Variants in VPS13B observed in about 807,000 individuals in gnomAD.
The protein encoded by VPS13B is vacuolar protein sorting 13 homolog B.
In VPS13B, 285 loss-of-function variants were observed where a neutral mutation model predicts 426.4. The ratio of observed to expected loss-of-function variants is 0.67; its 90% CI spans 0.61 to 0.74. The LOEUF is 0.74. VPS13B is among the 30% of genes least tolerant of loss of function. VPS13B has a pLI of 0.00. For synonymous variants in VPS13B, 1,676 were observed against 1,676.4 expected (o/e 1.00, Z 0.01); for missense variants, 4,537 against 4,782.6 (o/e 0.95, Z 1.51).
At position 99,608,880 on chromosome 8, in the gene VPS13B, G is replaced by A. The variant is rs115632282; in HGVS notation, c.5220+31247G>A. Reference sequence around the variant, plus strand: ...TATTGTATAGATATATACCATAGGTGTTTTTTAAAAATATATATATATTTA... The same window carrying A: ...TATTGTATAGATATATACCATAGGTATTTTTTAAAAATATATATATATTTA... On this transcript the variant is annotated intron_variant, in intron 33 of 61. Coordinates refer to ENST00000357162, the MANE Select transcript of VPS13B (RefSeq NM_152564.5). Among the ~76,000 whole-genome samples, 1,429 of 151,990 alleles carry A rather than the reference G, an allele frequency of 9.4e-3. 32 individuals carry two copies. The highest frequency in any genetic ancestry group is 0.033 in the African/African-American group (1,368 of 41,452).
At chr8:99,359,390 A>G (rs1004690775) in intron 19 of VPS13B, among the ~76,000 whole-genome samples, 1 of 152,168 alleles carries the variant, frequency 6.6e-6, no homozygotes, top group African/African-American at 2.4e-5. Flanking sequence ...ATGTGTCATT[A>G]TATTCTGGAT....
chr8:99,640,043 G>A lies in VPS13B; in HGVS notation c.5221-1768G>A, dbSNP rs1419516625. Among the ~76,000 whole-genome samples the A allele has an allele frequency of 1.1e-3, 87 of 82,186 alleles. 2 individuals are homozygous for A. Among genetic ancestry groups the A allele is most frequent in the South Asian group, 7.3e-3 (17 of 2,316 alleles). The allele number at this position is 82,186 out of a possible 152,430, so 53.9% of individuals were successfully genotyped here. A position where few individuals can be genotyped will look rare whatever the true frequency, so the allele number is the denominator to read the frequency against. On this transcript the variant is annotated intron_variant, in intron 33 of 61. Coordinates refer to ENST00000357162, the MANE Select transcript of VPS13B (RefSeq NM_152564.5). ...ATAATAATAAGAAGAAGAAGAAGAA[G>A]AAGAAGAGAAAAGAAAAGAAAAGAA...
chr8:99,387,850 A>C (rs1213646400), intron 20 of VPS13B, among the ~76,000 whole-genome samples: 2 of 152,194 alleles, frequency 1.3e-5, no homozygotes, highest in Non-Finnish European at 2.9e-5. Flanking sequence ...GTATCTAATA[A>C]AATTGAAAAT....
rs1824771606 is a variant in VPS13B at position 99,559,414 on chromosome 8, G to A, written c.4949+2761G>A. 1.3e-5 allele frequency among the ~76,000 whole-genome samples: 2 copies of A among 152,138 alleles called. 1 individual carries two copies. Among genetic ancestry groups the A allele is most frequent in the Admixed American group, 1.3e-4 (2 of 15,284 alleles). Reference sequence around the variant, plus strand: ...GTGCAGAAGCTCTTTAGTTTAATTAGATCCCATTTGTCTATTTTCGCTTTT... The same window carrying A: ...GTGCAGAAGCTCTTTAGTTTAATTAAATCCCATTTGTCTATTTTCGCTTTT... On this transcript the variant is annotated intron_variant, in intron 31 of 61. Coordinates refer to ENST00000357162, the MANE Select transcript of VPS13B (RefSeq NM_152564.5).
chr8:99,156,891 T>C, intron 15 of VPS13B, 148 bp downstream of exon 15: 1 of 632,624 alleles, frequency 1.6e-6, no homozygotes, highest in Admixed American at 3.6e-5. Context: ...TTTATTCCAA[T>C]AAATTAAAGT....
At chr8:99,627,673 C>T (rs1021586394) in intron 33 of VPS13B, among the ~76,000 whole-genome samples, 2 of 152,120 alleles carry the variant, frequency 1.3e-5, no homozygotes, top group South Asian at 2.1e-4. Flanking sequence ...TGTGAGCCAC[C>T]ATGCCTGACC....
chr8:99,664,269 T>C (rs940319177), intron 35 of VPS13B, among the ~76,000 whole-genome samples: 3 of 151,976 alleles, frequency 2.0e-5, no homozygotes, highest in African/African-American at 4.8e-5. Flanking sequence ...CCTCCCAAAG[T>C]GCTGGGATTA....
intron 30 of VPS13B, among the ~76,000 whole-genome samples, chr8:99,547,288 A>T (rs984835334): frequency 6.6e-6 from 1 of 151,844 alleles, no homozygotes; most frequent in African/African-American, 2.4e-5. Flanking sequence ...TGGTGATGGA[A>T]CTCAGCATTT....
intron 30 of VPS13B, chr8:99,536,884 T>A (rs1303940715): frequency 4.3e-5 from 20 of 466,018 alleles, no homozygotes; most frequent in Middle Eastern, 3.9e-4. Context: ...TTCCAAAAAC[T>A]AGGGAAAAAA....
intron 19 of VPS13B, among the ~76,000 whole-genome samples, chr8:99,337,968 A>G (rs944888691): frequency 6.6e-6 from 1 of 152,022 alleles, no homozygotes; most frequent in Non-Finnish European, 1.5e-5. Flanking sequence ...GACTTTCCCC[A>G]TTCAGTGCCC....
chr8:99,768,192 C>T (rs1301319637), intron 40 of VPS13B, among the ~76,000 whole-genome samples: 1 of 152,162 alleles, frequency 6.6e-6, no homozygotes, highest in Non-Finnish European at 1.5e-5. Flanking sequence ...TGTGGATGCC[C>T]TACGTGCCAC....
intron 54 of VPS13B, among the ~76,000 whole-genome samples, chr8:99,844,869 A>G (rs1815898079): frequency 6.6e-6 from 1 of 152,098 alleles, no homozygotes; most frequent in Non-Finnish European, 1.5e-5. Flanking sequence ...TTTATTTGCA[A>G]CCTGGCCAAT....
At chr8:99,625,883 A>G (rs183689399) in intron 33 of VPS13B, among the ~76,000 whole-genome samples, 4 of 152,310 alleles carry the variant, frequency 2.6e-5, no homozygotes, top group Admixed American at 2.6e-4. Context: ...AAACCCAGCA[A>G]CATTGACAAC....
chr8:99,677,120 AAAG>A (rs1830970561), intron 35 of VPS13B, among the ~76,000 whole-genome samples: 1 of 152,196 alleles, frequency 6.6e-6, no homozygotes, highest in African/African-American at 2.4e-5. Flanking sequence ...CCATCTCAAA[AAAG>A]AAAAAAAGAA....
chr8:99,433,653 G>T (rs1457395817), intron 22 of VPS13B, among the ~76,000 whole-genome samples: 1 of 151,940 alleles, frequency 6.6e-6, no homozygotes, highest in East Asian at 1.9e-4. Flanking sequence ...CAGAATCTTG[G>T]TTTTTCAGAA....
chr8:99,556,144 C>T (rs1824549179), intron 30 of VPS13B, among the ~76,000 whole-genome samples: 1 of 152,066 alleles, frequency 6.6e-6, no homozygotes, highest in Non-Finnish European at 1.5e-5. Context: ...AAAATAGAAC[C>T]TCAGAGCATC....
At chr8:99,622,765 T>A (rs1433410734) in intron 33 of VPS13B, among the ~76,000 whole-genome samples, 1 of 152,194 alleles carries the variant, frequency 6.6e-6, no homozygotes, top group Non-Finnish European at 1.5e-5. Context: ...TTCCAGTTGC[T>A]AAGGCCAAAT....
intron 46 of VPS13B, 85 bp downstream of exon 46, chr8:99,818,619 G>A: frequency 3.7e-6 from 6 of 1,602,724 alleles, no homozygotes; most frequent in Non-Finnish European, 5.1e-6. Flanking sequence ...GTGACCCAGG[G>A]AAGAGATTTA....
intron 43 of VPS13B, among the ~76,000 whole-genome samples, chr8:99,802,466 TAAC>T (rs1266316707): frequency 2.6e-5 from 4 of 152,190 alleles, no homozygotes; most frequent in Admixed American, 6.5e-5. Flanking sequence ...TTTATTTTAA[TAAC>T]ATTTTTGTCT....
Sources: allele counts gnomAD v4.1 joint callset (sites outside exome capture counted in the v4.1 genomes callset), GRCh38; gene constraint gnomAD v4.1.1; transcripts MANE v1.5; gene names NCBI Gene and HGNC (gene_info 2026-07-23, HGNC 2026-07-21).